VEPH1: variants seen among roughly 807,000 people sequenced by gnomAD.
The protein encoded by VEPH1 is ventricular zone-expressed PH domain-containing protein homolog 1.
Under a neutral mutation model 85.2 loss-of-function variants are expected in VEPH1, and 80 were observed. That is an observed-to-expected ratio of 0.94 (90% CI 0.78 to 1.13). The LOEUF (loss-of-function observed/expected upper bound fraction) is 1.13, where lower values mean the gene tolerates loss of function less well. Ranked by LOEUF, VEPH1 falls within the 50% of genes most tolerant of loss-of-function variation. The pLI is 0.00. For synonymous variants in VEPH1, 297 were observed against 348.0 expected, an observed-to-expected ratio of 0.85 and a Z score of 1.63; for missense variants, 955 against 980.5, an observed-to-expected ratio of 0.97 and a Z score of 0.35.
intron 4 of VEPH1, among the ~76,000 whole-genome samples, chr3:157,456,756 C>T (rs1397159483): frequency 6.6e-6 from 1 of 151,038 alleles, no homozygotes; most frequent in Non-Finnish European, 1.5e-5. Flanking sequence ...CCGTACCATG[C>T]TGTTTTGCTT....
intron 4 of VEPH1, among the ~76,000 whole-genome samples, chr3:157,441,346 T>C (rs1225349448): frequency 6.6e-6 from 1 of 152,266 alleles, no homozygotes; most frequent in Non-Finnish European, 1.5e-5. Context: ...CTATCTCTTA[T>C]GGTTGGCATA....
Position 157,313,684 on chromosome 3 carries a change from G to C in VEPH1, c.1947C>G (p.Thr649=), listed in dbSNP as rs756753117. The change falls in exon 11 of 14, where the codon ACC becomes ACG. Residue 649 remains threonine (T), a synonymous_variant. Transcript: ENST00000362010. ...CAAAGCTGTGAGCACCCCCTGCCTG[G>C]GTCTTCTCCCACAGAGCTCTGAGGA... ...VQFLRALWEK[T]QAGGAHSFET... 4 of 1,614,130 alleles carry C rather than the reference G, an allele frequency of 2.5e-6. No individual in the cohort carries two copies. The South Asian group carries it at 3.3e-5, about 13-fold the overall frequency.
chr3:157,366,185 T>G (rs1272267115), intron 7 of VEPH1, among the ~76,000 whole-genome samples: 4 of 152,212 alleles, frequency 2.6e-5, no homozygotes, highest in African/African-American at 9.6e-5. Context: ...AAGTATTTAT[T>G]TTTTATTACA....
At chr3:157,394,843 GTCCCT>G (rs1220667108) in intron 6 of VEPH1, among the ~76,000 whole-genome samples, 1 of 152,090 alleles carries the variant, frequency 6.6e-6, no homozygotes, top group Non-Finnish European at 1.5e-5. Flanking sequence ...TGTGAGTGGT[GTCCCT>G]TCTACTTTCA....
At chr3:157,478,844 T>C (rs746225853) in intron 2 of VEPH1, among the ~76,000 whole-genome samples, 41 of 152,174 alleles carry the variant, frequency 2.7e-4, no homozygotes, top group South Asian at 2.1e-4. Flanking sequence ...TGTGAGCCCC[T>C]TAAAGCTATG....
At chr3:157,419,450 T>C (rs182506528) in intron 5 of VEPH1, among the ~76,000 whole-genome samples, 126 of 152,224 alleles carry the variant, frequency 8.3e-4, no homozygotes, top group Non-Finnish European at 1.6e-4. Flanking sequence ...ATCCAGAATC[T>C]ACAAGGAACT....
chr3:157,319,583 T>A (rs1419522801), intron 9 of VEPH1, among the ~76,000 whole-genome samples: 1 of 152,222 alleles, frequency 6.6e-6, no homozygotes, highest in Admixed American at 6.5e-5. Flanking sequence ...TATATTGAGA[T>A]AGCAATATGT....
At chr3:157,295,637 C>A (rs1222390830) in intron 11 of VEPH1, among the ~76,000 whole-genome samples, 1 of 126,840 alleles carries the variant, frequency 7.9e-6, no homozygotes, top group East Asian at 2.4e-4. Context: ...GTTGAACCAC[C>A]CCTCAGTAGA....
intron 4 of VEPH1, chr3:157,443,089 A>G: frequency 7.7e-7 from 1 of 1,295,634 alleles, no homozygotes; most frequent in Non-Finnish European, 1.0e-6. Flanking sequence ...GAGACTAATG[A>G]AAGAGAGAGT....
chr3:157,494,232 T>C (rs952995696), intron 2 of VEPH1, among the ~76,000 whole-genome samples: 3 of 152,192 alleles, frequency 2.0e-5, no homozygotes, highest in African/African-American at 7.2e-5. Context: ...ATATCTTCTT[T>C]GTAACACAGA....
At chr3:157,409,701 T>C (rs560159929) in intron 6 of VEPH1, 2 of 985,408 alleles carry the variant, frequency 2.0e-6, no homozygotes, top group Admixed American at 1.2e-4. Flanking sequence ...GGGCACTCAT[T>C]TGAAAGACAG....
At position 157,289,090 on chromosome 3, in the gene VEPH1, T is replaced by G. The variant is rs867904159; in HGVS notation, c.2011-2416A>C. ...CAAAGGATACAATCCATATTAAAAT[T>G]TATGGGGAAAAAGCAGATGTTCATA... On this transcript the variant is annotated intron_variant, in intron 11 of 13. Transcript: ENST00000362010. Among the ~76,000 whole-genome samples the G allele has an allele frequency of 9.8e-5, 15 of 152,304 alleles. 3 individuals carry two copies. In the Middle Eastern group the frequency reaches 0.044, roughly 449 times the overall value.
At chr3:157,339,209 G>T (rs906115027) in intron 9 of VEPH1, among the ~76,000 whole-genome samples, 4 of 152,190 alleles carry the variant, frequency 2.6e-5, no homozygotes, top group African/African-American at 9.7e-5. Flanking sequence ...CAGGCTCCAA[G>T]GGCTGTTTCT....
chr3:157,312,145 A>G (rs1720181277), intron 11 of VEPH1, among the ~76,000 whole-genome samples: 1 of 152,248 alleles, frequency 6.6e-6, no homozygotes, highest in Admixed American at 6.5e-5. Context: ...TAATATTGGC[A>G]TGCTTGTCTC....
intron 12 of VEPH1, among the ~76,000 whole-genome samples, chr3:157,281,941 A>G (rs1051540489): frequency 2.0e-5 from 3 of 152,156 alleles, no homozygotes; most frequent in African/African-American, 7.2e-5. Flanking sequence ...TGGTGGCCTT[A>G]TGGGCTAGGT....
intron 6 of VEPH1, among the ~76,000 whole-genome samples, chr3:157,400,608 G>GT (rs966792216): frequency 2.4e-4 from 36 of 152,128 alleles, no homozygotes; most frequent in African/African-American, 7.7e-4. Context: ...TGTCAAATAA[G>GT]TTTTTTTCAA....
chr3:157,479,336 G>A (rs936257633), intron 2 of VEPH1, among the ~76,000 whole-genome samples: 3 of 152,114 alleles, frequency 2.0e-5, no homozygotes, highest in East Asian at 1.9e-4. Flanking sequence ...TAAAGTGGTG[G>A]GGTGTCAAAT....
chr3:157,368,792 A>C (rs906180423), intron 7 of VEPH1, among the ~76,000 whole-genome samples: 33 of 152,070 alleles, frequency 2.2e-4, no homozygotes, highest in African/African-American at 7.0e-4. Context: ...AGCCTGGCTA[A>C]CAGTAAGTAT....
intron 6 of VEPH1, chr3:157,409,569 T>C: frequency 1.1e-6 from 1 of 952,306 alleles, no homozygotes; most frequent in Middle Eastern, 5.4e-4. Context: ...ATAGAGAAAA[T>C]AAGAATCTGT....
Sources: allele counts gnomAD v4.1 joint callset (sites outside exome capture counted in the v4.1 genomes callset), GRCh38; gene constraint gnomAD v4.1.1; transcripts MANE v1.5; gene names NCBI Gene and HGNC (gene_info 2026-07-23, HGNC 2026-07-21).